Variants in TTC12 observed in about 807,000 individuals in gnomAD.
TTC12 encodes tetratricopeptide repeat domain 12.
TTC12 carries 70 observed loss-of-function variants against 90.1 expected under a neutral mutation model. The observed-to-expected ratio is 0.78, with a 90% CI of 0.64 to 0.95. The LOEUF is 0.95. Ranked by LOEUF, TTC12 falls within the 40% of genes least tolerant of loss-of-function variation. The pLI is 0.00. For synonymous variants in TTC12, 296 were observed against 311.5 expected (o/e 0.95, Z 0.53); for missense variants, 819 against 846.1 (o/e 0.97, Z 0.40).
chr11:113,337,479 TG>T (rs2137981003), intron 8 of TTC12, among the ~76,000 whole-genome samples: 1 of 152,208 alleles, frequency 6.6e-6, no homozygotes, highest in Non-Finnish European at 1.5e-5. Context: ...GCAAACCATG[TG>T]GATATATAAG....
At chr11:113,351,946 C>A (rs1591601403) in intron 15 of TTC12, 124 bp from the exon 16 acceptor site, 2 of 1,141,732 alleles carry the variant, frequency 1.8e-6, no homozygotes, top group African/African-American at 1.6e-5. Context: ...AGGGATGCCC[C>A]TGTGTGACAT....
chr11:113,342,055 C>T, intron 12 of TTC12, 130 bp downstream of exon 12: 2 of 757,048 alleles, frequency 2.6e-6, no homozygotes, highest in Non-Finnish European at 4.6e-6. Flanking sequence ...CACACCCACT[C>T]CCTCCAGGAA....
intron 8 of TTC12, among the ~76,000 whole-genome samples, chr11:113,335,629 GTC>G (rs1366786679): frequency 6.6e-6 from 1 of 152,024 alleles, no homozygotes; most frequent in Non-Finnish European, 1.5e-5. Flanking sequence ...CAGTCTTTCT[GTC>G]TCTATACATT....
At chr11:113,323,526 A>T in intron 3 of TTC12, 75 bp downstream of exon 3, 1 of 1,013,692 alleles carries the variant, frequency 9.9e-7, no homozygotes, top group Non-Finnish European at 1.4e-6. Flanking sequence ...GTTTAATCTC[A>T]AACTGTCCAG....
At chr11:113,369,401 G>A (rs1950317938), downstream of TTC12, among the ~76,000 whole-genome samples, 1 of 151,910 alleles carries the variant, frequency 6.6e-6, no homozygotes, top group Admixed American at 6.6e-5. Context: ...GATTACAGAT[G>A]CGAGCCACCA....
intron 16 of TTC12, among the ~76,000 whole-genome samples, chr11:113,358,911 A>G (rs1412035401): frequency 2.6e-5 from 4 of 151,212 alleles, no homozygotes; most frequent in Non-Finnish European, 5.9e-5. Context: ...ATTCCCAGTT[A>G]CTCCCTTTCT....
chr11:113,343,071 T>G (rs1948767588), intron 12 of TTC12, among the ~76,000 whole-genome samples: 1 of 152,214 alleles, frequency 6.6e-6, no homozygotes, highest in Non-Finnish European at 1.5e-5. Flanking sequence ...TTGATATATC[T>G]AACTCAATAA....
intron 7 of TTC12, among the ~76,000 whole-genome samples, chr11:113,334,178 T>C (rs1948219335): frequency 6.6e-6 from 1 of 152,232 alleles, no homozygotes; most frequent in Non-Finnish European, 1.5e-5. Context: ...GAAGGGCATC[T>C]GATTTGGCAC....
rs111949427 is a variant in TTC12, at chr11:113,347,791, C to G, written c.1155-2282C>G. Among the ~76,000 whole-genome samples, 703 of 152,236 alleles carry G rather than the reference C, an allele frequency of 4.6e-3. 3 individuals are homozygous for G. Among genetic ancestry groups the G allele is most frequent in the African/African-American group, 0.016 (660 of 41,566 alleles). On this transcript the variant is annotated intron_variant, in intron 13 of 21. Transcript: ENST00000529221. Reference sequence around the variant, plus strand: ...GATCCAGCACCATAGATGTGGGTGACTGGAATTCATATTCCCAAAAGCCCA... The same window carrying G: ...GATCCAGCACCATAGATGTGGGTGAGTGGAATTCATATTCCCAAAAGCCCA...
chr11:113,345,388 G>T (rs1434704694), intron 13 of TTC12, among the ~76,000 whole-genome samples: 1 of 152,146 alleles, frequency 6.6e-6, no homozygotes, highest in Non-Finnish European at 1.5e-5. Flanking sequence ...GGAACCAAGG[G>T]AATCTCACCC....
intron 2 of TTC12, 47 bp downstream of exon 2, chr11:113,316,362 A>G: frequency 9.8e-7 from 1 of 1,017,532 alleles, no homozygotes; most frequent in Non-Finnish European, 1.4e-6. Flanking sequence ...AGAGAAGTGG[A>G]GTAGATAAAT....
rs57036902 is a variant in TTC12, at chr11:113,362,653, G to A, written c.1716+151G>A. The A allele has an allele frequency of 1.9e-3, 1,183 of 616,808 alleles. 13 individuals are homozygous for A. In the African/African-American group the frequency reaches 0.019, roughly 10 times the overall value. The allele number at this position is 616,808 out of a possible 1,614,324, so 38.2% of individuals were successfully genotyped here. On this transcript the variant is annotated intron_variant, in intron 19 of 21. Coordinates refer to ENST00000529221, the MANE Select transcript of TTC12 (RefSeq NM_017868.4). The stretch of plus-strand genomic sequence containing the variant: ...ACTTCTTGGATAGGGATTTGCTTCT[G>A]CCTGTCTACCCAGACCATACTCTGA...
intron 16 of TTC12, among the ~76,000 whole-genome samples, chr11:113,358,546 G>C (rs1440443649): frequency 5.3e-5 from 8 of 152,330 alleles, no homozygotes; most frequent in African/African-American, 1.9e-4. Flanking sequence ...GGCCCTGTTT[G>C]ATGGGCAAGA....
chr11:113,343,026 G>A (rs1948764716), intron 12 of TTC12, among the ~76,000 whole-genome samples: 1 of 152,106 alleles, frequency 6.6e-6, no homozygotes, highest in Non-Finnish European at 1.5e-5. Flanking sequence ...TCAGATACCT[G>A]TGATGTAAAT....
At position 113,324,318 on chromosome 11, in the gene TTC12, A is replaced by G. The variant is rs565320465; in HGVS notation, c.245-287A>G. ...TCAGCTCAGAAGCTCATTATGCTAAACGGAACAAAAAAATCTCTCTTCAAA... is the reference window on the plus strand; with the variant it reads ...TCAGCTCAGAAGCTCATTATGCTAAGCGGAACAAAAAAATCTCTCTTCAAA... On this transcript the variant is annotated intron_variant, in intron 4 of 21. Transcript: ENST00000529221. The G allele has an allele frequency of 1.1e-4, 61 of 540,278 alleles. 1 individual carries two copies. In the South Asian group the frequency reaches 1.6e-3, roughly 14 times the overall value. 33.5% of individuals were successfully genotyped at this position (540,278 alleles called of 1,614,324 possible). A position where few individuals can be genotyped will look rare whatever the true frequency, so the allele number is the denominator to read the frequency against.
chr11:113,366,666 A>G (rs1406746187), downstream of TTC12, among the ~76,000 whole-genome samples: 2 of 152,216 alleles, frequency 1.3e-5, no homozygotes, highest in Non-Finnish European at 2.9e-5. Flanking sequence ...TTCTGCTGGC[A>G]ATATGCTAGA....
downstream of TTC12, among the ~76,000 whole-genome samples, chr11:113,369,419 C>G (rs1055105940): frequency 7.4e-6 from 1 of 135,048 alleles, no homozygotes; most frequent in African/African-American, 2.7e-5. Context: ...CCATGCCCGC[C>G]CCCCCACCCC....
At chr11:113,342,891 G>A (rs539894663) in intron 12 of TTC12, among the ~76,000 whole-genome samples, 2 of 152,290 alleles carry the variant, frequency 1.3e-5, no homozygotes, top group East Asian at 3.9e-4. Flanking sequence ...AGGAAGGCAG[G>A]ACTTGGCAAT....
At chr11:113,371,961 T>C (rs1392671158) in intron 21 of TTC12, among the ~76,000 whole-genome samples, 1 of 152,172 alleles carries the variant, frequency 6.6e-6, no homozygotes, top group African/African-American at 2.4e-5. Context: ...GTGGTCATGT[T>C]GGTTGAGCAT....
Sources: gnomAD v4.1 joint callset for allele counts (sites outside exome capture counted in the v4.1 genomes callset) on GRCh38, gnomAD v4.1.1 for gene constraint, MANE v1.5 for transcripts, NCBI Gene and HGNC (gene_info 2026-07-23, HGNC 2026-07-21) for gene names.